GFI1B: variants seen among roughly 807,000 people sequenced by gnomAD.
GFI1B encodes zinc finger protein Gfi-1b.
A neutral mutation model predicts 35.3 loss-of-function variants in GFI1B; 20 were observed. The observed-to-expected ratio is 0.57, with a 90% CI of 0.40 to 0.82. The LOEUF is 0.82. Among genes scored for constraint, GFI1B ranks in the 40% least tolerant of loss-of-function variants. GFI1B has a pLI of 0.00. For missense variants in GFI1B, 430 were observed against 446.3 expected (o/e 0.96, Z 0.33); for synonymous variants, 178 against 177.6 (o/e 1.00, Z -0.02).
At position 132,989,630 on chromosome 9, in the gene GFI1B, G is replaced by A. The variant is rs1044050556; in HGVS notation, c.649-112G>A. 1.5e-5 allele frequency: 12 copies of A among 787,256 alleles called. No homozygotes were observed. The highest frequency in any genetic ancestry group is 4.6e-5 in the South Asian group (3 of 65,266). 48.8% of individuals were successfully genotyped at this position (787,256 alleles called of 1,614,324 possible). On this transcript the variant is annotated intron_variant, in intron 5 of 6. Transcript: ENST00000372122. The surrounding 1 kb of genome is among the most constrained non-coding windows in gnomAD (Gnocchi z 6.2). The stretch of plus-strand genomic sequence containing the variant: ...CAGAGGCAGAGATGAGGGGTCCCCC[G>A]GTCCTGCTCCTCCAGGCCGCCCCAA...
chr9:132,947,809 CAAAAA>C (rs58406908), intron 1 of GFI1B, among the ~76,000 whole-genome samples: 1 of 86,154 alleles, frequency 1.2e-5, no homozygotes, highest in East Asian at 4.2e-4. Flanking sequence ...ACTTGGTCTC[CAAAAA>C]AAAAAAAAAA....
intron 1 of GFI1B, among the ~76,000 whole-genome samples, chr9:132,968,291 A>T (rs2905075): frequency 0.74 from 110,693 of 150,514 alleles, 40,712 homozygotes; most frequent in South Asian, 0.75. Context: ...TTAAAGAAAA[A>T]TTTTTTTTTT....
intron 1 of GFI1B, among the ~76,000 whole-genome samples, chr9:132,969,183 C>G (rs1848496310): frequency 6.6e-6 from 1 of 152,120 alleles, no homozygotes; most frequent in African/African-American, 2.4e-5. Context: ...CGCGCACCAC[C>G]AGGCCTGGCT....
intron 1 of GFI1B, among the ~76,000 whole-genome samples, chr9:132,969,176 G>A (rs188691445): frequency 3.3e-5 from 5 of 151,878 alleles, no homozygotes; most frequent in Admixed American, 2.6e-4. Context: ...CTACAGGCGC[G>A]CACCACCAGG....
At chr9:132,980,988 C>A (rs370719321) in intron 1 of GFI1B, among the ~76,000 whole-genome samples, 1 of 152,150 alleles carries the variant, frequency 6.6e-6, no homozygotes, top group Non-Finnish European at 1.5e-5. Flanking sequence ...CTCTGCCTCC[C>A]GGGTTCAAGC....
chr9:132,985,465 A>G (rs1215330172), intron 1 of GFI1B, among the ~76,000 whole-genome samples: 3 of 152,260 alleles, frequency 2.0e-5, no homozygotes, highest in South Asian at 4.1e-4. Flanking sequence ...TCAGGCCTCC[A>G]GGTGCAGTGG....
At chr9:132,969,881 A>G (rs1848506561) in intron 1 of GFI1B, among the ~76,000 whole-genome samples, 1 of 152,214 alleles carries the variant, frequency 6.6e-6, no homozygotes, top group African/African-American at 2.4e-5. Flanking sequence ...CAGCAGGAAG[A>G]GAACAATGTT....
chr9:132,967,751 C>CGT (rs113316641), intron 1 of GFI1B, among the ~76,000 whole-genome samples: 179 of 151,582 alleles, frequency 1.2e-3, no homozygotes, highest in African/African-American at 3.3e-3. Context: ...CATATATACA[C>CGT]GTGTGTGTGT....
chr9:132,978,175 G>C (rs941755583), upstream of GFI1B, among the ~76,000 whole-genome samples: 2 of 150,540 alleles, frequency 1.3e-5, no homozygotes, highest in African/African-American at 4.9e-5. Context: ...AAGAGAGAGA[G>C]AGGAGAGGAG....
At chr9:132,975,053 A>T (rs895276977), upstream of GFI1B, 1 of 152,242 alleles carries the variant, frequency 6.6e-6, no homozygotes, top group Non-Finnish European at 1.5e-5. Context: ...TGAGACCAGG[A>T]GTTCAAGACC....
chr9:132,959,648 A>G (rs1218868530), intron 1 of GFI1B, among the ~76,000 whole-genome samples: 1 of 152,218 alleles, frequency 6.6e-6, no homozygotes, highest in Non-Finnish European at 1.5e-5. Flanking sequence ...TTCTCTCACA[A>G]TTCTCGAGGC....
At chr9:132,987,764 C>A (rs1328804780) in intron 3 of GFI1B, among the ~76,000 whole-genome samples, 1 of 152,112 alleles carries the variant, frequency 6.6e-6, no homozygotes, top group Non-Finnish European at 1.5e-5. Flanking sequence ...TGGGTTGACA[C>A]CCTGAAACCC....
chr9:132,951,011 T>G (rs146439647), intron 1 of GFI1B, among the ~76,000 whole-genome samples: 2 of 152,102 alleles, frequency 1.3e-5, no homozygotes, highest in East Asian at 3.9e-4. Context: ...CTAATTATTT[T>G]ATTTTATTTT....
intron 1 of GFI1B, among the ~76,000 whole-genome samples, chr9:132,953,917 A>G (rs1848241183): frequency 1.3e-5 from 2 of 152,098 alleles, no homozygotes; most frequent in African/African-American, 4.8e-5. Flanking sequence ...AGCCTGGGCG[A>G]CAGAGTGAGA....
At chr9:132,965,536 G>C (rs904190062) in intron 1 of GFI1B, among the ~76,000 whole-genome samples, 1 of 152,234 alleles carries the variant, frequency 6.6e-6, no homozygotes, top group African/African-American at 2.4e-5. Context: ...ATCTCAAAAT[G>C]AGACCATCTT....
intron 1 of GFI1B, among the ~76,000 whole-genome samples, chr9:132,960,530 G>A (rs1407958789): frequency 1.3e-5 from 2 of 151,828 alleles, no homozygotes; most frequent in African/African-American, 4.8e-5. Context: ...ACAGGATCTC[G>A]CTTTGTCCCT....
chr9:132,948,736 G>A (rs1299396679), intron 1 of GFI1B, among the ~76,000 whole-genome samples: 1 of 152,156 alleles, frequency 6.6e-6, no homozygotes, highest in Non-Finnish European at 1.5e-5. Context: ...TTCTAGCACC[G>A]TGTCCTCCAG....
chr9:132,956,101 G>T (rs927630156), intron 1 of GFI1B, among the ~76,000 whole-genome samples: 2 of 152,160 alleles, frequency 1.3e-5, no homozygotes, highest in Non-Finnish European at 2.9e-5. Context: ...CCAAAAACAC[G>T]TTTGACCACA....
At chr9:132,962,123 A>C (rs1350182847) in intron 1 of GFI1B, among the ~76,000 whole-genome samples, 1 of 143,766 alleles carries the variant, frequency 7.0e-6, no homozygotes, top group Non-Finnish European at 1.5e-5. Context: ...TGCATACAGA[A>C]TTGTTTTTTT....
Sources: allele counts gnomAD v4.1 joint callset (sites outside exome capture counted in the v4.1 genomes callset), GRCh38; gene constraint gnomAD v4.1.1; non-coding constraint Gnocchi (gnomAD v3.1); transcripts MANE v1.5; gene names NCBI Gene and HGNC (gene_info 2026-07-23, HGNC 2026-07-21).